The following CLN8 variants were observed in gnomAD, a reference collection of about 807,000 sequenced individuals.
CLN8 encodes protein CLN8.
Under a neutral mutation model 15.7 loss-of-function variants are expected in CLN8, and 14 were observed. The ratio of observed to expected loss-of-function variants is 0.89; its 90% confidence interval spans 0.59 to 1.39. The LOEUF (loss-of-function observed/expected upper bound fraction) is 1.39, where lower values mean the gene tolerates loss of function less well. CLN8 is among the 40% of genes most tolerant of loss of function. The pLI, the probability that CLN8 is intolerant of heterozygous loss-of-function variation, is 0.00. For missense variants in CLN8, 415 were observed against 364.0 expected, an observed-to-expected ratio of 1.14 and a Z score of -1.14; for synonymous variants, 188 against 151.0, an observed-to-expected ratio of 1.25 and a Z score of -1.80.
At chr8:1,777,596 T>C (rs1286632905) in intron 2 of CLN8, among the ~76,000 whole-genome samples, 2 of 152,222 alleles carry the variant, frequency 1.3e-5, no homozygotes, top group African/African-American at 4.8e-5. Flanking sequence ...CCTTATTCTG[T>C]AAGCTTTTCT....
Position 1,771,148 on chromosome 8 carries a change from T to G in CLN8, c.94T>G (p.Phe32Val), listed in dbSNP as rs758068226. 5.4e-5 allele frequency: 87 copies of G among 1,614,070 alleles called. No homozygotes were observed. Among genetic ancestry groups the G allele is most frequent in the Non-Finnish European group, 6.7e-5 (79 of 1,180,020 alleles). ...GIRSTLMVAGFVFYLGVFVVC... is the reference protein window; with the variant it reads ...GIRSTLMVAGVVFYLGVFVVC... ...CCGCTCCACGCTGATGGTCGCTGGC[T>G]TTGTCTTCTACTTGGGCGTCTTTGT... Residue 32 changes from phenylalanine to valine, a missense_variant, in exon 2 of 3, where the codon TTT becomes GTT. Coordinates refer to ENST00000331222, the MANE Select transcript of CLN8 (RefSeq NM_018941.4).
At chr8:1,768,129 A>G (rs891843014) in intron 1 of CLN8, among the ~76,000 whole-genome samples, 2 of 151,626 alleles carry the variant, frequency 1.3e-5, no homozygotes, top group African/African-American at 4.9e-5. Flanking sequence ...TTTTTAGTAG[A>G]GGCAGGGTTT....
chr8:1,783,017 G>A lies in CLN8; in HGVS notation c.*2450G>A, dbSNP rs1308299066. On this transcript the variant is annotated 3_prime_UTR_variant, in exon 3 of 3. Transcript: ENST00000331222. Reference sequence around the variant, plus strand: ...GGGACCCCTCAGTGCAGAGCCTGAAGTTGGGGGTTTAGGGGTGGAAAAGGC... The same window carrying A: ...GGGACCCCTCAGTGCAGAGCCTGAAATTGGGGGTTTAGGGGTGGAAAAGGC... 1.3e-5 allele frequency: 2 copies of A among 152,422 alleles called. No individual in the cohort carries two copies. Among genetic ancestry groups the A allele is most frequent in the African/African-American group, 2.4e-5 (1 of 41,474 alleles). The allele number at this position is 152,422 out of a possible 1,614,324, so 9.4% of individuals were successfully genotyped here.
intron 1 of CLN8, among the ~76,000 whole-genome samples, chr8:1,756,965 G>A (rs1329818643): frequency 6.6e-6 from 1 of 152,104 alleles, no homozygotes; most frequent in Admixed American, 6.5e-5. Flanking sequence ...TTACAGGCAT[G>A]AGCCACCATG....
At chr8:1,759,284 TTTTG>T (rs1041267365), upstream of CLN8, 1 of 152,254 alleles carries the variant, frequency 6.6e-6, no homozygotes, top group African/African-American at 2.4e-5. Flanking sequence ...AGAATTTTAT[TTTTG>T]TTTTACAGTC....
chr8:1,769,294 C>T (rs1470290396), intron 1 of CLN8, among the ~76,000 whole-genome samples: 2 of 152,152 alleles, frequency 1.3e-5, no homozygotes, highest in Admixed American at 1.3e-4. Flanking sequence ...TTTTCCATGT[C>T]CTTGGGGTGT....
At chr8:1,757,643 C>T (rs1800703298) in intron 1 of CLN8, among the ~76,000 whole-genome samples, 1 of 151,980 alleles carries the variant, frequency 6.6e-6, no homozygotes, top group Non-Finnish European at 1.5e-5. Flanking sequence ...GTTTCACTAG[C>T]CTGGTCACGA....
chr8:1,776,320 G>C (rs1468988468), intron 2 of CLN8, among the ~76,000 whole-genome samples: 1 of 152,222 alleles, frequency 6.6e-6, no homozygotes, highest in Non-Finnish European at 1.5e-5. Context: ...AGAAGGTTCT[G>C]GAAGGTGAAC....
chr8:1,780,324 TC>T lies in CLN8; in HGVS notation c.619del (p.Leu207Ter). 1 of 1,614,250 alleles carries T rather than the reference TC, an allele frequency of 6.2e-7. No individual in the cohort carries two copies. The highest frequency in any genetic ancestry group is 1.1e-5 in the South Asian group (1 of 91,088). ...TTCACATGTTTCACTGCCGCATGGT[TC>T]TAACCTACCACATGTGGTGGGTGTG... Reference protein sequence around the residue: ...MIHMFHCRMVLTYHMWWVCFW... With the variant: ...MIHMFHCRMVXTYHMWWVCFW... On this transcript the variant is annotated frameshift_variant, in exon 3 of 3. Transcript: ENST00000331222. LOFTEE classifies it high-confidence loss of function.
chr8:1,757,204 T>C (rs1192459579), intron 1 of CLN8, among the ~76,000 whole-genome samples: 1 of 152,240 alleles, frequency 6.6e-6, no homozygotes, highest in Non-Finnish European at 1.5e-5. Context: ...ATGTTGGGGC[T>C]GGGCCATTGC....
At chr8:1,755,073 C>G (rs759988417), upstream of CLN8, among the ~76,000 whole-genome samples, 2 of 152,198 alleles carry the variant, frequency 1.3e-5, no homozygotes, top group Admixed American at 6.5e-5. Context: ...AGGGCCACTT[C>G]AGGTTGAGTC....
At position 1,767,854 on chromosome 8, in the gene CLN8, C is replaced by T. The variant is rs541701098; in HGVS notation, c.-123-3078C>T. Among the ~76,000 whole-genome samples, 147 of 150,846 alleles carry T rather than the reference C, an allele frequency of 9.7e-4. 2 individuals are homozygous for T. The highest frequency in any genetic ancestry group is 1.8e-3 in the African/African-American group (75 of 41,058). On this transcript the variant is annotated intron_variant, in intron 1 of 2. Transcript: ENST00000331222. ...CCAAAGTGCTGGGATTACAGGCGTGCGCCACTGCACTCGGCCTGCTCTGTG... is the reference window on the plus strand; with the variant it reads ...CCAAAGTGCTGGGATTACAGGCGTGTGCCACTGCACTCGGCCTGCTCTGTG...
intron 2 of CLN8, chr8:1,772,906 C>T: frequency 2.5e-6 from 1 of 398,588 alleles, no homozygotes; most frequent in Non-Finnish European, 4.4e-6. Flanking sequence ...CATGTTACTG[C>T]ACATTTCTTG....
At chr8:1,772,896 C>T (rs1453143004) in intron 2 of CLN8, 3 of 398,400 alleles carry the variant, frequency 7.5e-6, no homozygotes, top group Non-Finnish European at 1.3e-5. Context: ...ACAAATGGGT[C>T]ATGTTACTGC....
upstream of CLN8, chr8:1,760,290 C>T (rs1800762571): frequency 1.3e-5 from 2 of 152,106 alleles, no homozygotes; most frequent in Non-Finnish European, 2.9e-5. Context: ...ACGCTGTGCA[C>T]CCAAGATAAA....
rs886676077 is a variant in CLN8, at chr8:1,757,353, G to A, written c.-124+1271G>A. ...ACTGCCAAATGTCCCCACGGGAGGG[G>A]GCGTAGAGGACAGTGTGCTATGGTG... On this transcript the variant is annotated intron_variant, in intron 1 of 1. Coordinates refer to the CLN8 transcript ENST00000524258. 7.9e-5 allele frequency among the ~76,000 whole-genome samples: 12 copies of A among 152,190 alleles called. 1 individual carries two copies. The East Asian group carries it at 2.3e-3, about 29-fold the overall frequency.
intron 1 of CLN8, among the ~76,000 whole-genome samples, chr8:1,769,062 A>C (rs540288838): frequency 6.6e-6 from 1 of 152,232 alleles, no homozygotes; most frequent in East Asian, 1.9e-4. Flanking sequence ...AGGGAGAAAC[A>C]TGAGTACCAG....
chr8:1,775,722 T>G (rs186431643), intron 2 of CLN8, among the ~76,000 whole-genome samples: 91 of 152,286 alleles, frequency 6.0e-4, no homozygotes, highest in African/African-American at 2.1e-3. Flanking sequence ...TACTGTACAG[T>G]TCATCACTGT....
At chr8:1,765,232 A>C (rs1801003028) in intron 1 of CLN8, 1 of 152,244 alleles carries the variant, frequency 6.6e-6, no homozygotes, top group Non-Finnish European at 1.5e-5. Flanking sequence ...GGGTAGGTAA[A>C]TGGTGGAGTC....
Sources: gnomAD v4.1 joint callset for allele counts (sites outside exome capture counted in the v4.1 genomes callset) on GRCh38, gnomAD v4.1.1 for gene constraint, MANE v1.5 for transcripts, NCBI Gene and HGNC (gene_info 2026-07-23, HGNC 2026-07-21) for gene names.